The following HMCN1 variants were observed in gnomAD, a reference collection of about 807,000 sequenced individuals.
HMCN1 encodes hemicentin 1.
HMCN1 carries 321 observed loss-of-function variants against 625.9 expected under a neutral mutation model. The observed-to-expected ratio is 0.51, with a 90% CI of 0.47 to 0.56. HMCN1 has a LOEUF of 0.56. Ranked by LOEUF, HMCN1 falls within the 20% of genes least tolerant of loss-of-function variation. The probability of loss-of-function intolerance (pLI) is 0.00; values close to 1 mark genes in which losing one functional copy is unlikely to be tolerated. For missense variants in HMCN1, 6,588 were observed against 6,887.3 expected (o/e 0.96, Z 1.54); for synonymous variants, 2,425 against 2,417.6 (o/e 1.00, Z -0.09).
At chr1:186,024,269 C>G (rs1654913904) in intron 36 of HMCN1, among the ~76,000 whole-genome samples, 1 of 152,192 alleles carries the variant, frequency 6.6e-6, no homozygotes, top group East Asian at 1.9e-4. Context: ...TGACCCTGCT[C>G]TACTGTAAGG....
intron 1 of HMCN1, among the ~76,000 whole-genome samples, chr1:185,803,182 C>A (rs529615809): frequency 4.3e-5 from 1 of 23,026 alleles, no homozygotes. Context: ...CTAAAATTAG[C>A]AGAACCAAAA....
intron 35 of HMCN1, among the ~76,000 whole-genome samples, chr1:186,020,917 T>C (rs1053830170): frequency 6.6e-6 from 1 of 152,098 alleles, no homozygotes; most frequent in African/African-American, 2.4e-5. Flanking sequence ...TTGATGATTT[T>C]ATTTTTACTT....
rs1395561449 is a variant in HMCN1, at chr1:185,977,868, G to C, written c.2453G>C (p.Gly818Ala). 2.5e-6 allele frequency: 4 copies of C among 1,612,140 alleles called. No individual in the cohort carries two copies. In the Admixed American group the frequency reaches 6.7e-5, roughly 27 times the overall value. ...GTGACATTACCTTGTTATGTTCAGG[G>C]TTATCCAGAACCAACAATCAAATGG... ...SNVTLPCYVQ[G>A]YPEPTIKWRR... Residue 818 changes from glycine (G) to alanine (A), a missense_variant, in exon 16 of 107, where the codon GGT (glycine) becomes GCT (alanine). Coordinates refer to ENST00000271588, the MANE Select transcript of HMCN1 (RefSeq NM_031935.3).
chr1:186,074,735 T>C lies in HMCN1; in HGVS notation c.8140-6T>C, dbSNP rs763095539. On this transcript the variant is annotated splice_region_variant and splice_polypyrimidine_tract_variant and intron_variant, in intron 52 of 106. Transcript: ENST00000271588. ...TAATGCTAACATTGTTATAATTGAA[T>C]CACAGCCCCTTAAATCCGATGATCA... 5 of 1,612,306 alleles carry C rather than the reference T, an allele frequency of 3.1e-6. No homozygotes were observed. Among genetic ancestry groups the C allele is most frequent in the Non-Finnish European group, 4.2e-6 (5 of 1,178,772 alleles).
chr1:185,816,268 G>C (rs1258484409), intron 1 of HMCN1, among the ~76,000 whole-genome samples: 2 of 152,176 alleles, frequency 1.3e-5, no homozygotes, highest in Non-Finnish European at 2.9e-5. Context: ...AATGGCCAGT[G>C]ATATCTCCTT....
intron 2 of HMCN1, among the ~76,000 whole-genome samples, chr1:185,848,359 C>T (rs1357662114): frequency 6.6e-6 from 1 of 152,108 alleles, no homozygotes; most frequent in African/African-American, 2.4e-5. Flanking sequence ...ACTCTCCCTC[C>T]TGCTTGACAC....
chr1:185,911,066 A>G (rs1231964952), intron 5 of HMCN1, among the ~76,000 whole-genome samples: 1 of 152,086 alleles, frequency 6.6e-6, no homozygotes, highest in Non-Finnish European at 1.5e-5. Flanking sequence ...AATTATTCCT[A>G]TGACAGATAA....
intron 36 of HMCN1, among the ~76,000 whole-genome samples, chr1:186,029,032 A>G (rs959468583): frequency 1.3e-5 from 2 of 152,038 alleles, no homozygotes. Context: ...GTGCCTGGCC[A>G]TATAAAAGCA....
At chr1:186,165,226 G>A (rs912326994) in intron 98 of HMCN1, 53 bp downstream of exon 98, 3 of 1,477,886 alleles carry the variant, frequency 2.0e-6, no homozygotes, top group African/African-American at 1.4e-5. Context: ...GTCAATATTG[G>A]ATAGCATTTA....
chr1:185,801,879 TG>T (rs1352719904), intron 1 of HMCN1, among the ~76,000 whole-genome samples: 2 of 152,200 alleles, frequency 1.3e-5, no homozygotes, highest in African/African-American at 4.8e-5. Context: ...TTGCATCCTA[TG>T]AGCGATAGAA....
intron 46 of HMCN1, among the ~76,000 whole-genome samples, chr1:186,059,572 G>A (rs1657554403): frequency 6.6e-6 from 1 of 152,074 alleles, no homozygotes; most frequent in Admixed American, 6.6e-5. Context: ...CAGTTTAACA[G>A]TCTGAACATG....
chr1:185,752,837 C>G (rs940199224), intron 1 of HMCN1, among the ~76,000 whole-genome samples: 11 of 152,118 alleles, frequency 7.2e-5, no homozygotes, highest in African/African-American at 2.4e-4. Context: ...TCCCATTAGG[C>G]TAGCATAACC....
chr1:186,185,924 T>G (rs928672924), intron 105 of HMCN1, among the ~76,000 whole-genome samples: 3 of 152,228 alleles, frequency 2.0e-5, no homozygotes, highest in African/African-American at 7.2e-5. Context: ...TGCAGCCAAT[T>G]GACTTAGACT....
At chr1:185,828,098 A>G (rs1660634250) in intron 1 of HMCN1, among the ~76,000 whole-genome samples, 1 of 152,224 alleles carries the variant, frequency 6.6e-6, no homozygotes, top group Non-Finnish European at 1.5e-5. Flanking sequence ...AAGTTAAGCA[A>G]GAGGTGTCTA....
intron 71 of HMCN1, among the ~76,000 whole-genome samples, 184 bp from the exon 72 acceptor site, chr1:186,112,628 A>G (rs911490415): frequency 2.6e-5 from 4 of 152,228 alleles, no homozygotes; most frequent in African/African-American, 9.6e-5. Context: ...CCTTTGACTT[A>G]ACATCACTCA....
At chr1:185,888,211 C>A (rs1311883980) in intron 4 of HMCN1, among the ~76,000 whole-genome samples, 1 of 104,544 alleles carries the variant, frequency 9.6e-6, no homozygotes, top group Non-Finnish European at 1.7e-5. Context: ...GATATTAGCC[C>A]TTTGTCAGAT....
intron 40 of HMCN1, among the ~76,000 whole-genome samples, chr1:186,045,244 A>G (rs114233398): frequency 1.5e-3 from 234 of 152,308 alleles, no homozygotes; most frequent in African/African-American, 5.3e-3. Flanking sequence ...GATGAGCTCT[A>G]TGATATTCTC....
At chr1:186,136,035 G>C (rs1649580917) in intron 86 of HMCN1, among the ~76,000 whole-genome samples, 1 of 152,142 alleles carries the variant, frequency 6.6e-6, no homozygotes, top group Non-Finnish European at 1.5e-5. Flanking sequence ...AATTAGCCAG[G>C]CGTGGTGGCG....
At chr1:185,756,500 A>G (rs1655145634) in intron 1 of HMCN1, among the ~76,000 whole-genome samples, 2 of 151,970 alleles carry the variant, frequency 1.3e-5, no homozygotes, top group East Asian at 1.9e-4. Context: ...AAAGAAAAAG[A>G]AAAAAAGGAA....
Sources: gnomAD v4.1 joint callset for allele counts (sites outside exome capture counted in the v4.1 genomes callset) on GRCh38, gnomAD v4.1.1 for gene constraint, MANE v1.5 for transcripts, NCBI Gene and HGNC (gene_info 2026-07-23, HGNC 2026-07-21) for gene names.